SFPQ: variants seen among roughly 807,000 people sequenced by gnomAD.
The protein encoded by SFPQ is splicing factor, proline- and glutamine-rich.
SFPQ carries 11 observed loss-of-function variants against 72.9 expected under a neutral mutation model. That is an observed-to-expected ratio of 0.15 (90% confidence interval 0.09 to 0.25). The LOEUF (loss-of-function observed/expected upper bound fraction) is 0.25, where lower values mean the gene tolerates loss of function less well. Among genes scored for constraint, SFPQ ranks in the 10% least tolerant of loss-of-function variants. SFPQ has a pLI of 1.00. For missense variants in SFPQ, 847 were observed against 993.3 expected (o/e 0.85, Z 1.98); for synonymous variants, 506 against 367.3 (o/e 1.38, Z -4.32).
At position 35,183,121 on chromosome 1, in the gene SFPQ, A is replaced by G; in HGVS notation, c.*1335T>C. ...CTAGCTCTTAGAAGAGAACCAATAG[A>G]TTTTTATAGTCCTATAGATTTTGCC... On this transcript the variant is annotated 3_prime_UTR_variant, in exon 10 of 10. Transcript: ENST00000357214. 1 of 1,028,984 alleles carries G rather than the reference A, an allele frequency of 9.7e-7. No homozygotes were observed. Among genetic ancestry groups the G allele is most frequent in the Non-Finnish European group, 1.2e-6 (1 of 856,296 alleles). The allele number at this position is 1,028,984 out of a possible 1,614,324, so 63.7% of individuals were successfully genotyped here. A position where few individuals can be genotyped will look rare whatever the true frequency, so the allele number is the denominator to read the frequency against.
At chr1:35,192,192 A>G (rs1472837450) in intron 1 of SFPQ, 30 bp downstream of exon 1, 11 of 1,373,306 alleles carry the variant, frequency 8.0e-6, no homozygotes, top group South Asian at 1.6e-5. Flanking sequence ...ATCTTAGGGG[A>G]GCCGACGCGT....
chr1:35,182,932 T>C (rs1220312058), downstream of SFPQ: 7 of 1,045,194 alleles, frequency 6.7e-6, no homozygotes, highest in South Asian at 3.2e-4. Flanking sequence ...GACAACACCA[T>C]GGAAACATTC....
downstream of SFPQ, chr1:35,178,589 A>G: frequency 9.5e-7 from 1 of 1,057,896 alleles, no homozygotes; most frequent in Non-Finnish European, 1.1e-6. Context: ...ACTGAGTTTT[A>G]AAGTTAGGGC....
rs1422980717 is a variant in SFPQ at position 35,182,968 on chromosome 1, A to G, written c.*1488T>C. The G allele has an allele frequency of 4.8e-6, 5 of 1,042,520 alleles. No individual in the cohort carries two copies. The highest frequency in any genetic ancestry group is 5.8e-6 in the Non-Finnish European group (5 of 864,996). The allele number at this position is 1,042,520 out of a possible 1,614,324, so 64.6% of individuals were successfully genotyped here. On this transcript the variant is annotated 3_prime_UTR_variant, in exon 10 of 10. Transcript: ENST00000357214. ...CAAGCCTTTATGGTGGGAGGAAGGGATATTTGTACTGTGTAGCATGAGCAA... is the reference window on the plus strand; with the variant it reads ...CAAGCCTTTATGGTGGGAGGAAGGGGTATTTGTACTGTGTAGCATGAGCAA...
downstream of SFPQ, chr1:35,181,018 C>G (rs947814632): frequency 6.6e-6 from 7 of 1,065,076 alleles, no homozygotes; most frequent in African/African-American, 1.6e-5. Flanking sequence ...GCTAGCTTTA[C>G]CATACAAGTG....
rs1435404957 is a variant in SFPQ, at chr1:35,191,457, C to A, written c.901G>T (p.Val301Phe). 6.2e-7 allele frequency: 1 copy of A among 1,614,178 alleles called. No homozygotes were observed. The change falls in exon 2 of 10, where the codon GTT (valine) becomes TTT (phenylalanine). Residue 301 changes from valine to phenylalanine, a missense_variant. This residue lies in a region of SFPQ where 35 missense variants were observed against 52.9 expected (regional missense o/e 0.66). Transcript: ENST00000357214. ...GTGATATCAGCAGGTAGATTCCCAA[C>A]AAACAACCGACATCGCTGTGTGTAA... is the stretch of plus-strand genomic sequence containing the variant. ...KTYTQRCRLF[V>F]GNLPADITED...
chr1:35,179,512 T>C (rs1289714947), downstream of SFPQ: 1 of 1,055,172 alleles, frequency 9.5e-7, no homozygotes, highest in East Asian at 5.3e-5. Flanking sequence ...TGAAATACAA[T>C]GCAAGCACCT....
chr1:35,190,597 A>G lies in SFPQ; in HGVS notation c.1320-4T>C, dbSNP rs1165381847. On this transcript the variant is annotated splice_polypyrimidine_tract_variant and splice_region_variant and intron_variant, in intron 3 of 9. Transcript: ENST00000357214. ...CACAATGACTGGACGAGGAGTTCTA[A>G]TAACAAAAATGGTTCCATCTTAGCT... The G allele has an allele frequency of 6.2e-6, 10 of 1,611,628 alleles. No homozygotes were observed. Among genetic ancestry groups the G allele is most frequent in the Admixed American group, 1.7e-5 (1 of 59,758 alleles).
chr1:35,186,687 G>A (rs531724075), intron 9 of SFPQ, among the ~76,000 whole-genome samples: 14 of 152,124 alleles, frequency 9.2e-5, no homozygotes, highest in Non-Finnish European at 2.1e-4. Context: ...ACATTATCTA[G>A]CATCTAGAAT....
chr1:35,178,866 C>A, downstream of SFPQ: 5 of 1,049,108 alleles, frequency 4.8e-6, no homozygotes, highest in Non-Finnish European at 5.7e-6. Context: ...TATCTTAAGT[C>A]CAAGCCCTTT....
At position 35,183,285 on chromosome 1, in the gene SFPQ, C is replaced by T. The variant is rs547834265; in HGVS notation, c.*1171G>A. 1.4e-3 allele frequency: 675 copies of T among 499,784 alleles called. No individual in the cohort carries two copies. Among genetic ancestry groups the T allele is most frequent in the Non-Finnish European group, 1.7e-3 (626 of 379,198 alleles). The allele number at this position is 499,784 out of a possible 1,614,324, so 31.0% of individuals were successfully genotyped here. A position where few individuals can be genotyped will look rare whatever the true frequency, so the allele number is the denominator to read the frequency against. On this transcript the variant is annotated 3_prime_UTR_variant, in exon 10 of 10. Coordinates refer to ENST00000357214, the MANE Select transcript of SFPQ (RefSeq NM_005066.3). The stretch of plus-strand genomic sequence containing the variant: ...GTCCAGGCTGGAGTGCAGTGGCAGT[C>T]TCAGCTCACTGCAACCTCCATCTCC...
Position 35,189,201 on chromosome 1 carries a change from T to G in SFPQ, c.1597A>C (p.Asn533His), listed in dbSNP as rs1243229842. 10 of 1,614,040 alleles carry G rather than the reference T, an allele frequency of 6.2e-6. No individual in the cohort carries two copies. Among genetic ancestry groups the G allele is most frequent in the Non-Finnish European group, 8.5e-6 (10 of 1,179,948 alleles). The change falls in exon 5 of 10, where the codon AAT becomes CAT. Residue 533 changes from asparagine (N) to histidine (H), a missense_variant. Physicochemically the swap from Asn to His is moderately conservative, Grantham distance 68. Transcript: ENST00000357214. ...MEDAYHEHQANLLRQDLMRRQ... is the reference protein window; with the variant it reads ...MEDAYHEHQAHLLRQDLMRRQ... ...GTCTTTTTACCTTGGCGCAAAAGAT[T>G]TGCCTGATGTTCATGATAGGCATCT...
chr1:35,181,996 C>T, downstream of SFPQ: 2 of 985,412 alleles, frequency 2.0e-6, no homozygotes, highest in Non-Finnish European at 2.4e-6. Context: ...AAAGCCACAA[C>T]TTTCAGGAGA....
At chr1:35,188,682 C>T (rs12034840) in intron 6 of SFPQ, among the ~76,000 whole-genome samples, 12,224 of 152,150 alleles carry the variant, frequency 0.08, 1,504 homozygotes, top group African/African-American at 0.27. Context: ...AATGGCCAAG[C>T]GTGGCGGCTC....
chr1:35,181,651 T>TA, downstream of SFPQ: 1 of 1,060,610 alleles, frequency 9.4e-7, no homozygotes, highest in Non-Finnish European at 1.1e-6. Flanking sequence ...GTGTTCCTCT[T>TA]AAAACAAAAT....
downstream of SFPQ, chr1:35,179,632 TA>T: frequency 7.6e-6 from 8 of 1,054,980 alleles, no homozygotes; most frequent in Non-Finnish European, 9.2e-6. Context: ...TTAAAGCTAG[TA>T]AGAACACACT....
In SFPQ at chr1:35,192,917, C is replaced by G. The variant is rs1406005047; in HGVS notation, c.133G>C (p.Gly45Arg). Reference protein sequence around the residue: ...PPGMGLNQNRGPMGPGPGQSG... With the variant: ...PPGMGLNQNRRPMGPGPGQSG... ...TGGCCCGGGCCAGGACCCATGGGGC[C>G]GCGATTCTGATTGAGGCCCATGCCG... is the stretch of plus-strand genomic sequence containing the variant. Residue 45 changes from glycine (G) to arginine (R), a missense_variant, in exon 1 of 10, where the codon GGC (glycine) becomes CGC (arginine). Gly to Arg is a moderately radical substitution (Grantham distance 125, BLOSUM62 -2). Transcript: ENST00000357214. 1 of 1,582,338 alleles carries G rather than the reference C, an allele frequency of 6.3e-7. No individual in the cohort carries two copies. The highest frequency in any genetic ancestry group is 8.5e-7 in the Non-Finnish European group (1 of 1,172,610).
chr1:35,178,151 G>GT (rs1441223383), downstream of SFPQ: 1 of 1,090,620 alleles, frequency 9.2e-7, no homozygotes, highest in South Asian at 2.9e-5. Context: ...AAGATTGGGG[G>GT]TAAGTTACAG....
downstream of SFPQ, chr1:35,182,872 A>C (rs961079990): frequency 6.7e-6 from 7 of 1,045,888 alleles, no homozygotes; most frequent in Middle Eastern, 4.3e-4. Context: ...TTTAATAGTC[A>C]AAGTCTCTTG....
Sources: gnomAD v4.1 joint callset for allele counts (sites outside exome capture counted in the v4.1 genomes callset) on GRCh38, gnomAD v4.1.1 for gene constraint, gnomAD v4.1.1 regional missense constraint, MANE v1.5 for transcripts, NCBI Gene and HGNC (gene_info 2026-07-23, HGNC 2026-07-21) for gene names.